The following LDB2 variants were observed in gnomAD, a reference collection of about 807,000 sequenced individuals.
LDB2 encodes LIM domain-binding protein 2.
Under a neutral mutation model 44.3 loss-of-function variants are expected in LDB2, and 12 were observed. The ratio of observed to expected loss-of-function variants is 0.27; its 90% confidence interval spans 0.17 to 0.44. The LOEUF (loss-of-function observed/expected upper bound fraction) is 0.44, where lower values mean the gene tolerates loss of function less well. Ranked by LOEUF, LDB2 falls within the 20% of genes least tolerant of loss-of-function variation. LDB2 has a pLI of 1.00. For missense variants in LDB2, 344 were observed against 473.5 expected (o/e 0.73, Z 2.54); for synonymous variants, 164 against 174.8 (o/e 0.94, Z 0.49).
At chr4:16,897,599 C>T (rs1023043652) in intron 1 of LDB2, among the ~76,000 whole-genome samples, 3 of 152,076 alleles carry the variant, frequency 2.0e-5, no homozygotes, top group African/African-American at 7.2e-5. Context: ...CTCTCTCAGG[C>T]ACAAGATCTC....
At chr4:16,678,066 CAGT>C (rs1421626976) in intron 2 of LDB2, among the ~76,000 whole-genome samples, 1 of 152,144 alleles carries the variant, frequency 6.6e-6, no homozygotes, top group Admixed American at 6.5e-5. Context: ...TTAGGACCAG[CAGT>C]AGATCAGTAG....
intron 1 of LDB2, among the ~76,000 whole-genome samples, chr4:16,886,925 C>T (rs757802546): frequency 2.0e-5 from 3 of 148,150 alleles, no homozygotes; most frequent in Non-Finnish European, 4.4e-5. Flanking sequence ...CCCAGCTACT[C>T]GTGAGGCTGA....
Position 16,671,121 on chromosome 4 carries a change from C to A in LDB2, c.236-75246G>T, listed in dbSNP as rs200008920. ...AAATAGCACATACAAAAAAAAAAAA[C>A]AAAAAAAACAAGTGCTTAGAGCTTA... On this transcript the variant is annotated intron_variant, in intron 2 of 7. Coordinates refer to ENST00000304523, the MANE Select transcript of LDB2 (RefSeq NM_001290.5). 7.3e-4 allele frequency among the ~76,000 whole-genome samples: 106 copies of A among 145,862 alleles called. No individual in the cohort carries two copies. The Middle Eastern group carries it at 0.014, about 19-fold the overall frequency.
At chr4:16,580,019 T>C (rs1713707620) in intron 5 of LDB2, among the ~76,000 whole-genome samples, 1 of 152,084 alleles carries the variant, frequency 6.6e-6, no homozygotes, top group African/African-American at 2.4e-5. Flanking sequence ...CAGGAGTTGA[T>C]AGATGAAGGA....
chr4:16,715,910 T>A (rs1260542377), intron 2 of LDB2, among the ~76,000 whole-genome samples: 2 of 152,132 alleles, frequency 1.3e-5, no homozygotes, highest in East Asian at 3.9e-4. Flanking sequence ...TATGATATCC[T>A]TAGTTCACTT....
chr4:16,570,417 G>T (rs1317534671), intron 5 of LDB2, among the ~76,000 whole-genome samples: 4 of 122,946 alleles, frequency 3.3e-5, no homozygotes, highest in Non-Finnish European at 6.4e-5. Context: ...GAGCCGAGAT[G>T]GCGCCACCAC....
intron 2 of LDB2, among the ~76,000 whole-genome samples, chr4:16,671,321 C>T (rs750478618): frequency 2.0e-5 from 3 of 152,134 alleles, no homozygotes; most frequent in South Asian, 2.1e-4. Flanking sequence ...CCTTTCAGTC[C>T]GTTATGAGTT....
At chr4:16,678,552 C>T (rs554007294) in intron 2 of LDB2, among the ~76,000 whole-genome samples, 74 of 152,258 alleles carry the variant, frequency 4.9e-4, no homozygotes, top group African/African-American at 1.7e-3. Flanking sequence ...TAGTAACACT[C>T]TGGGCTACTC....
chr4:16,720,843 G>T (rs1758118073), intron 2 of LDB2, among the ~76,000 whole-genome samples: 1 of 152,112 alleles, frequency 6.6e-6, no homozygotes, highest in African/African-American at 2.4e-5. Flanking sequence ...CTTATTTCAT[G>T]GATAGAAGCT....
At chr4:16,670,269 G>T (rs1005125527) in intron 2 of LDB2, among the ~76,000 whole-genome samples, 3 of 152,136 alleles carry the variant, frequency 2.0e-5, no homozygotes, top group African/African-American at 7.2e-5. Context: ...TAAGTAGGTC[G>T]CTTAGATATT....
At chr4:16,523,754 C>T (rs1182042680) in intron 5 of LDB2, among the ~76,000 whole-genome samples, 1 of 152,128 alleles carries the variant, frequency 6.6e-6, no homozygotes, top group Admixed American at 6.5e-5. Context: ...GGACAAAGGA[C>T]AGTGTGGGGT....
intron 2 of LDB2, among the ~76,000 whole-genome samples, chr4:16,745,894 G>GAA (rs201570479): frequency 8.0e-4 from 109 of 135,504 alleles, no homozygotes; most frequent in African/African-American, 2.1e-3. Context: ...CTCTATTGTT[G>GAA]AAAAAAAAAA....
chr4:16,793,692 TAAC>T (rs1776202328), intron 1 of LDB2, among the ~76,000 whole-genome samples: 1 of 152,206 alleles, frequency 6.6e-6, no homozygotes. Context: ...TTCCTCTTTG[TAAC>T]CTCTCCCTGC....
intron 5 of LDB2, among the ~76,000 whole-genome samples, chr4:16,547,303 G>T (rs144897968): frequency 2.0e-5 from 3 of 152,154 alleles, no homozygotes; most frequent in Admixed American, 6.5e-5. Flanking sequence ...CAGAGGGAGC[G>T]CAGCCATTGT....
chr4:16,502,438 A>G lies in LDB2; in HGVS notation c.*205T>C. On this transcript the variant is annotated 3_prime_UTR_variant, in exon 8 of 8. Transcript: ENST00000304523. Reference sequence around the variant, plus strand: ...TCTGTATTACCTGTGAAGGCCTCCAAGAAAGGGTCATGGAAGCTTACTGGG... The same window carrying G: ...TCTGTATTACCTGTGAAGGCCTCCAGGAAAGGGTCATGGAAGCTTACTGGG... 1 of 686,302 alleles carries G rather than the reference A, an allele frequency of 1.5e-6. No homozygotes were observed. Among genetic ancestry groups the G allele is most frequent in the East Asian group, 2.8e-5 (1 of 35,694 alleles). 42.5% of individuals were successfully genotyped at this position (686,302 alleles called of 1,614,324 possible).
chr4:16,646,378 T>C (rs1473031545), intron 2 of LDB2, among the ~76,000 whole-genome samples: 3 of 152,238 alleles, frequency 2.0e-5, no homozygotes, highest in Admixed American at 2.0e-4. Context: ...TTTACTCCAC[T>C]CTTTTAATAG....
At position 16,624,385 on chromosome 4, in the gene LDB2, C is replaced by T. The variant is rs567354664; in HGVS notation, c.236-28510G>A. ...GTGCTAGGATTACAGGCATGAGCCA[C>T]CATGCCAAGTTACACAGTAAAATTT... is the stretch of plus-strand genomic sequence containing the variant. On this transcript the variant is annotated intron_variant, in intron 2 of 7. Coordinates refer to ENST00000304523, the MANE Select transcript of LDB2 (RefSeq NM_001290.5). Among the ~76,000 whole-genome samples, 148 of 151,872 alleles carry T rather than the reference C, an allele frequency of 9.7e-4. 1 individual carries two copies. The highest frequency in any genetic ancestry group is 3.2e-3 in the African/African-American group (132 of 41,422).
At chr4:16,639,665 G>A (rs1170049734) in intron 2 of LDB2, among the ~76,000 whole-genome samples, 1 of 152,190 alleles carries the variant, frequency 6.6e-6, no homozygotes, top group Non-Finnish European at 1.5e-5. Flanking sequence ...TTCATTGTTT[G>A]GTCAGGCTGG....
At chr4:16,775,775 G>A (rs1314870694) in intron 1 of LDB2, among the ~76,000 whole-genome samples, 2 of 152,068 alleles carry the variant, frequency 1.3e-5, no homozygotes, top group Admixed American at 6.6e-5. Context: ...GGGCAGGATC[G>A]GTGTTTAATT....
Sources: gnomAD v4.1 joint callset for allele counts (sites outside exome capture counted in the v4.1 genomes callset) on GRCh38, gnomAD v4.1.1 for gene constraint, MANE v1.5 for transcripts, NCBI Gene and HGNC (gene_info 2026-07-23, HGNC 2026-07-21) for gene names.